Variants in BCO1 observed in about 807,000 individuals in gnomAD.
The protein encoded by BCO1 is beta-carotene oxygenase 1.
In BCO1, 54 loss-of-function variants were observed where a neutral mutation model predicts 56.3. The ratio of observed to expected loss-of-function variants is 0.96; its 90% CI spans 0.77 to 1.20. BCO1 has a LOEUF of 1.20. Ranked by LOEUF, BCO1 falls within the 50% of genes most tolerant of loss-of-function variation. The pLI, the probability that BCO1 is intolerant of heterozygous loss-of-function variation, is 0.00. For synonymous variants in BCO1, 318 were observed against 266.1 expected (o/e 1.20, Z -1.90); for missense variants, 801 against 690.9 (o/e 1.16, Z -1.79).
chr16:81,243,125 T>C (rs1905213542), intron 1 of BCO1, among the ~76,000 whole-genome samples: 1 of 152,070 alleles, frequency 6.6e-6, no homozygotes, highest in Admixed American at 6.6e-5. Flanking sequence ...ATAAGGGAGA[T>C]GGCTTTTTGG....
chr16:81,290,497 G>C lies in BCO1; in HGVS notation c.1564G>C (p.Asp522His). The C allele has an allele frequency of 6.2e-7, 1 of 1,614,170 alleles. No homozygotes were observed. Among genetic ancestry groups the C allele is most frequent in the Non-Finnish European group, 8.5e-7 (1 of 1,180,038 alleles). Residue 522 changes from aspartate to histidine, a missense_variant, in exon 11 of 11, where the codon GAC (aspartate) becomes CAC (histidine). Coordinates refer to ENST00000258168, the MANE Select transcript of BCO1 (RefSeq NM_017429.3). Reference sequence around the variant, plus strand: ...CCATGGATTATTCATTACAGACATGGACTGGGACACAAAAAAGCAGGCCGC... The same window carrying C: ...CCATGGATTATTCATTACAGACATGCACTGGGACACAAAAAAGCAGGCCGC... ...DLHGLFITDM[D>H]WDTKKQAASE...
chr16:81,241,333 C>T (rs1459833926), intron 1 of BCO1, among the ~76,000 whole-genome samples: 3 of 151,980 alleles, frequency 2.0e-5, no homozygotes, highest in African/African-American at 4.8e-5. Context: ...CAAAAAGGCA[C>T]CTATGATACC....
At chr16:81,248,718 T>G (rs1157823108) in intron 2 of BCO1, among the ~76,000 whole-genome samples, 2 of 152,176 alleles carry the variant, frequency 1.3e-5, no homozygotes, top group South Asian at 4.1e-4. Flanking sequence ...AGAAGGTAAA[T>G]GCACCAGTGG....
In BCO1 at chr16:81,290,788, A is replaced by G. The variant is rs1299475228; in HGVS notation, c.*211A>G. On this transcript the variant is annotated 3_prime_UTR_variant, in exon 11 of 11. Transcript: ENST00000258168. ...TTGTTTGAAAGTCAAACATTTGAAC[A>G]TCAAATATGTATTGATTAGATCCAG... 6 of 570,484 alleles carry G rather than the reference A, an allele frequency of 1.1e-5. No homozygotes were observed. Among genetic ancestry groups the G allele is most frequent in the African/African-American group, 1.9e-5 (1 of 53,516 alleles). 35.3% of individuals were successfully genotyped at this position (570,484 alleles called of 1,614,324 possible). A position where few individuals can be genotyped will look rare whatever the true frequency, so the allele number is the denominator to read the frequency against.
chr16:81,283,395 G>C (rs1459471771), intron 8 of BCO1, among the ~76,000 whole-genome samples: 2 of 151,764 alleles, frequency 1.3e-5, no homozygotes, highest in Admixed American at 6.6e-5. Flanking sequence ...TTTGAGACCA[G>C]CCTGGACAAC....
chr16:81,244,439 T>A (rs78149802), intron 1 of BCO1, among the ~76,000 whole-genome samples: 162 of 141,042 alleles, frequency 1.1e-3, no homozygotes, highest in African/African-American at 3.9e-3. Flanking sequence ...TTCACTTTTG[T>A]TCATACTAAG....
At chr16:81,262,512 C>T (rs1906551581) in intron 4 of BCO1, 2 of 537,116 alleles carry the variant, frequency 3.7e-6, no homozygotes, top group Non-Finnish European at 3.4e-6. Flanking sequence ...GTAACCAAGT[C>T]CTACAAAAAA....
At chr16:81,254,879 CT>C (rs1906032122) in intron 2 of BCO1, among the ~76,000 whole-genome samples, 2 of 152,146 alleles carry the variant, frequency 1.3e-5, no homozygotes, top group African/African-American at 4.8e-5. Flanking sequence ...TCACTGTAGC[CT>C]TGACCTCCCA....
At position 81,250,460 on chromosome 16, in the gene BCO1, C is replaced by G. The variant is rs115139799; in HGVS notation, c.193+4857C>G. Among the ~76,000 whole-genome samples the G allele has an allele frequency of 5.9e-3, 895 of 152,126 alleles. 9 individuals carry two copies. The highest frequency in any genetic ancestry group is 0.021 in the African/African-American group (858 of 41,504). On this transcript the variant is annotated intron_variant, in intron 2 of 10. Transcript: ENST00000258168. ...GGTGGGAAGATACACCAGAAATGTT[C>G]AGTTCCACTCTAGCGGGTTCAGAAG...
chr16:81,263,934 G>A (rs1906652180), intron 4 of BCO1: 1 of 155,364 alleles, frequency 6.4e-6, no homozygotes, highest in African/African-American at 2.4e-5. Context: ...GCTTTCCACA[G>A]GGCTACAGAG....
At chr16:81,240,915 A>G (rs1597339539) in intron 1 of BCO1, among the ~76,000 whole-genome samples, 1 of 148,160 alleles carries the variant, frequency 6.7e-6, no homozygotes, top group Admixed American at 6.7e-5. Flanking sequence ...GCTCACCACA[A>G]CCTCTGCCTC....
intron 2 of BCO1, among the ~76,000 whole-genome samples, chr16:81,254,502 G>A (rs764950013): frequency 6.7e-6 from 1 of 148,658 alleles, no homozygotes; most frequent in Non-Finnish European, 1.5e-5. Flanking sequence ...GGCTGATCTC[G>A]AACACCTAGC....
intron 3 of BCO1, among the ~76,000 whole-genome samples, chr16:81,261,259 A>G (rs1009605235): frequency 6.6e-6 from 1 of 152,174 alleles, no homozygotes; most frequent in African/African-American, 2.4e-5. Flanking sequence ...GCACTCCCCA[A>G]TACACCGATA....
chr16:81,260,485 T>TATTTC (rs376838045), intron 3 of BCO1, among the ~76,000 whole-genome samples: 2 of 152,118 alleles, frequency 1.3e-5, no homozygotes, highest in Non-Finnish European at 2.9e-5. Flanking sequence ...GTATATATTT[T>TATTTC]ATTTCATTTC....
intron 3 of BCO1, among the ~76,000 whole-genome samples, chr16:81,261,415 T>C (rs1430749331): frequency 6.6e-6 from 1 of 152,226 alleles, no homozygotes; most frequent in Non-Finnish European, 1.5e-5. Flanking sequence ...ATTTCCTGGA[T>C]AAATTCGAGA....
chr16:81,280,885 A>G lies in BCO1; in HGVS notation c.1130A>G (p.Lys377Arg), dbSNP rs1459655694. 1 of 1,614,122 alleles carries G rather than the reference A, an allele frequency of 6.2e-7. No individual in the cohort carries two copies. Among genetic ancestry groups the G allele is most frequent in the African/African-American group, 1.3e-5 (1 of 75,068 alleles). Residue 377 changes from lysine (K) to arginine (R), a missense_variant, in exon 8 of 11, where the codon AAA becomes AGA. Coordinates refer to ENST00000258168, the MANE Select transcript of BCO1 (RefSeq NM_017429.3). ...KNAEVGTNLI[K>R]VASTTATALK... ...GCAGAAGTGGGCACAAATTTAATCA[A>G]AGTGGCATCTACAACAGCCACGGCC...
chr16:81,244,660 C>A (rs6564862), intron 1 of BCO1, among the ~76,000 whole-genome samples: 1 of 151,220 alleles, frequency 6.6e-6, no homozygotes, highest in African/African-American at 2.4e-5. Context: ...TCAGCCCACC[C>A]GAGGGCTGTT....
intron 1 of BCO1, among the ~76,000 whole-genome samples, chr16:81,244,040 G>A (rs753095476): frequency 5.1e-4 from 78 of 152,250 alleles, no homozygotes; most frequent in Non-Finnish European, 9.3e-4. Flanking sequence ...CACTGGGTGA[G>A]AGCAGCTTCC....
chr16:81,242,601 C>T (rs1269973269), intron 1 of BCO1, among the ~76,000 whole-genome samples: 3 of 152,130 alleles, frequency 2.0e-5, no homozygotes, highest in Non-Finnish European at 4.4e-5. Flanking sequence ...TCATCCATTT[C>T]TCTCCATCCC....
Sources: gnomAD v4.1 joint callset for allele counts (sites outside exome capture counted in the v4.1 genomes callset) on GRCh38, gnomAD v4.1.1 for gene constraint, MANE v1.5 for transcripts, NCBI Gene and HGNC (gene_info 2026-07-23, HGNC 2026-07-21) for gene names.